Variants in GRIK2 observed in about 807,000 individuals in gnomAD.
GRIK2 encodes the protein glutamate ionotropic receptor kainate type subunit 2.
GRIK2 carries 32 observed loss-of-function variants against 100.3 expected under a neutral mutation model. The observed-to-expected ratio is 0.32, with a 90% CI of 0.24 to 0.43. GRIK2 has a LOEUF of 0.43. GRIK2 is among the 20% of genes least tolerant of loss of function. The pLI, the probability that GRIK2 is intolerant of heterozygous loss-of-function variation, is 1.00. For missense variants in GRIK2, 843 were observed against 1,114.9 expected (o/e 0.76, Z 3.47); for synonymous variants, 417 against 389.4 (o/e 1.07, Z -0.83).
chr6:101,871,400 A>C (rs1480039973), intron 11 of GRIK2, among the ~76,000 whole-genome samples: 1 of 151,808 alleles, frequency 6.6e-6, no homozygotes, highest in Non-Finnish European at 1.5e-5. Flanking sequence ...TTTATTTTAA[A>C]TTCAGGGGTT....
At chr6:101,858,205 T>C (rs928538978) in intron 10 of GRIK2, among the ~76,000 whole-genome samples, 1 of 152,098 alleles carries the variant, frequency 6.6e-6, no homozygotes, top group Non-Finnish European at 1.5e-5. Context: ...ATATGTGTTG[T>C]ATTTGTTTAG....
At chr6:101,464,511 T>A in intron 2 of GRIK2, among the ~76,000 whole-genome samples, 1 of 74,500 alleles carries the variant, frequency 1.3e-5, no homozygotes, top group African/African-American at 6.3e-5. Context: ...TTTTTTTTTT[T>A]TTTTTTTTTT....
rs114213654 is a variant in GRIK2 at position 101,506,211 on chromosome 6, A to C, written c.115+106819A>C. 5.8e-3 allele frequency among the ~76,000 whole-genome samples: 879 copies of C among 152,236 alleles called. 8 individuals are homozygous for C. Among genetic ancestry groups the C allele is most frequent in the African/African-American group, 0.02 (830 of 41,560 alleles). On this transcript the variant is annotated intron_variant, in intron 2 of 16. Coordinates refer to ENST00000369134, the MANE Select transcript of GRIK2 (RefSeq NM_021956.5). ...CTGAACTCCTTCACTGGCTGCTCTTAAGTTAAAAACACTGTTCATGTGTTT... is the reference window on the plus strand; with the variant it reads ...CTGAACTCCTTCACTGGCTGCTCTTCAGTTAAAAACACTGTTCATGTGTTT...
In GRIK2 at chr6:101,399,209, C is replaced by A; in HGVS notation, c.-69C>A. On this transcript the variant is annotated 5_prime_UTR_variant, in exon 2 of 17. Transcript: ENST00000369134. ...GTCACCACTCGACGCATCCTCATTTCTACCCGAACCCAGGAGCCGAACGCT... is the reference window on the plus strand; with the variant it reads ...GTCACCACTCGACGCATCCTCATTTATACCCGAACCCAGGAGCCGAACGCT... 2.5e-6 allele frequency: 2 copies of A among 806,160 alleles called. No homozygotes were observed. Among genetic ancestry groups the A allele is most frequent in the South Asian group, 2.7e-5 (2 of 73,194 alleles). 49.9% of individuals were successfully genotyped at this position (806,160 alleles called of 1,614,324 possible).
intron 12 of GRIK2, among the ~76,000 whole-genome samples, chr6:101,912,188 T>A (rs573156205): frequency 8.7e-4 from 131 of 151,378 alleles, no homozygotes; most frequent in African/African-American, 2.7e-3. Flanking sequence ...TCAATTATAT[T>A]TTTTATTGGG....
Position 101,708,993 on chromosome 6 carries a change from C to G in GRIK2, c.951+22640C>G, listed in dbSNP as rs563011129. Reference sequence around the variant, plus strand: ...GTATATATTATTACATTACTTTGTACCCCATAAATATATTGACCACCATAG... The same window carrying G: ...GTATATATTATTACATTACTTTGTAGCCCATAAATATATTGACCACCATAG... On this transcript the variant is annotated intron_variant, in intron 7 of 16. Transcript: ENST00000369134. Among the ~76,000 whole-genome samples the G allele has an allele frequency of 5.9e-5, 9 of 151,696 alleles. No individual in the cohort carries two copies. In the South Asian group the frequency reaches 1.9e-3, roughly 32 times the overall value.
chr6:101,784,988 CT>C (rs1398840975), intron 7 of GRIK2, among the ~76,000 whole-genome samples: 1 of 152,174 alleles, frequency 6.6e-6, no homozygotes, highest in Non-Finnish European at 1.5e-5. Context: ...TGTTTAAGAA[CT>C]ATTCAAACTC....
intron 14 of GRIK2, among the ~76,000 whole-genome samples, chr6:101,981,342 T>A (rs1294998145): frequency 6.6e-6 from 1 of 151,890 alleles, no homozygotes; most frequent in African/African-American, 2.4e-5. Flanking sequence ...ACATTTTAGA[T>A]GCCTGGGATA....
At chr6:101,599,406 CTA>C (rs960267703) in intron 2 of GRIK2, among the ~76,000 whole-genome samples, 3 of 151,492 alleles carry the variant, frequency 2.0e-5, no homozygotes, top group African/African-American at 7.3e-5. Context: ...CATGGTAGAA[CTA>C]TGTCTTTTCT....
At chr6:101,981,550 G>A (rs1165466034) in intron 14 of GRIK2, among the ~76,000 whole-genome samples, 1 of 151,856 alleles carries the variant, frequency 6.6e-6, no homozygotes, top group African/African-American at 2.4e-5. Flanking sequence ...ATTTAGTAAA[G>A]GTTTCAGCTA....
chr6:101,860,526 A>G (rs761311690), intron 11 of GRIK2, among the ~76,000 whole-genome samples: 5 of 152,332 alleles, frequency 3.3e-5, no homozygotes, highest in Admixed American at 6.5e-5. Flanking sequence ...TTTCAGCCCT[A>G]TGGCATCAAA....
At chr6:102,012,875 C>A (rs550143692) in intron 14 of GRIK2, among the ~76,000 whole-genome samples, 2 of 152,216 alleles carry the variant, frequency 1.3e-5, no homozygotes, top group African/African-American at 4.8e-5. Context: ...TGTAATACCT[C>A]TAGCTTTGCT....
intron 9 of GRIK2, among the ~76,000 whole-genome samples, chr6:101,816,075 G>T (rs145875168): frequency 6.6e-6 from 1 of 152,092 alleles, no homozygotes; most frequent in East Asian, 1.9e-4. Flanking sequence ...ATAATGGAGG[G>T]TGGCATTATG....
At chr6:101,861,030 G>C in intron 11 of GRIK2, 1 of 287,982 alleles carries the variant, frequency 3.5e-6, no homozygotes, top group Non-Finnish European at 5.2e-6. Context: ...GTGAGCACTT[G>C]GTAAGGCAAA....
chr6:101,725,423 T>C (rs1375788068), intron 7 of GRIK2, among the ~76,000 whole-genome samples: 1 of 152,068 alleles, frequency 6.6e-6, no homozygotes, highest in Non-Finnish European at 1.5e-5. Context: ...CATTGTCTTA[T>C]AGTAGAAGAA....
intron 4 of GRIK2, among the ~76,000 whole-genome samples, chr6:101,662,915 A>C (rs931602961): frequency 2.0e-5 from 3 of 152,094 alleles, no homozygotes; most frequent in Non-Finnish European, 4.4e-5. Context: ...TGTATTCCTG[A>C]TACATTTACA....
intron 9 of GRIK2, among the ~76,000 whole-genome samples, chr6:101,817,904 C>CTA (rs1443558483): frequency 6.6e-6 from 1 of 152,164 alleles, no homozygotes; most frequent in Non-Finnish European, 1.5e-5. Context: ...GTGCAAAATA[C>CTA]TATTCAATGC....
At position 101,818,461 on chromosome 6, in the gene GRIK2, C is replaced by A; in HGVS notation, c.1295C>A (p.Ser432Tyr). The stretch of plus-strand genomic sequence containing the variant: ...ATCACAGATTCCTTATCCAATCGTT[C>A]TTTGATTGTTACCACCATTTTGGTA... ...ANITDSLSNRSLIVTTILEEP... is the reference protein window; with the variant it reads ...ANITDSLSNRYLIVTTILEEP... The change falls in exon 10 of 17, where the codon TCT becomes TAT. Residue 432 changes from serine to tyrosine, a missense_variant. Around this residue, in one of 3 missense-constraint regions of GRIK2, gnomAD observed 519 missense variants for 643.8 expected, o/e 0.81. Transcript: ENST00000369134. The A allele has an allele frequency of 1.3e-6, 2 of 1,598,452 alleles. No homozygotes were observed. The highest frequency in any genetic ancestry group is 1.3e-5 in the African/African-American group (1 of 74,724).
intron 11 of GRIK2, among the ~76,000 whole-genome samples, chr6:101,884,020 G>C (rs1173711748): frequency 6.6e-6 from 1 of 152,090 alleles, no homozygotes; most frequent in African/African-American, 2.4e-5. Flanking sequence ...GAAAATAGGG[G>C]ACCAGTTGGA....
Sources: gnomAD v4.1 joint callset for allele counts (sites outside exome capture counted in the v4.1 genomes callset) on GRCh38, gnomAD v4.1.1 for gene constraint, gnomAD v4.1.1 regional missense constraint, MANE v1.5 for transcripts, NCBI Gene and HGNC (gene_info 2026-07-23, HGNC 2026-07-21) for gene names.